Variants in LARGE1 observed in about 807,000 individuals in gnomAD.
The protein encoded by LARGE1 is LARGE xylosyl- and glucuronyltransferase 1.
LARGE1 carries 43 observed loss-of-function variants against 87.6 expected under a neutral mutation model. The observed-to-expected ratio is 0.49, with a 90% CI of 0.38 to 0.63. LARGE1 has a LOEUF of 0.63. LARGE1 is among the 30% of genes least tolerant of loss of function. The probability of loss-of-function intolerance (pLI) is 0.00; values close to 1 mark genes in which losing one functional copy is unlikely to be tolerated. For synonymous variants in LARGE1, 434 were observed against 394.6 expected (o/e 1.10, Z -1.18); for missense variants, 802 against 1,000.2 (o/e 0.80, Z 2.67).
intron 13 of LARGE1, among the ~76,000 whole-genome samples, chr22:33,278,368 C>T (rs778268492): frequency 2.6e-5 from 4 of 152,164 alleles, no homozygotes; most frequent in Non-Finnish European, 5.9e-5. Context: ...AGAATCCAGT[C>T]ATTCCATGCC....
chr22:33,571,345 T>C (rs570079014), intron 5 of LARGE1, among the ~76,000 whole-genome samples: 2 of 152,270 alleles, frequency 1.3e-5, no homozygotes, highest in South Asian at 2.1e-4. Flanking sequence ...TAAGTGATTC[T>C]AGGGTATATC....
chr22:33,810,834 C>T (rs1223020052), intron 1 of LARGE1, among the ~76,000 whole-genome samples: 1 of 152,054 alleles, frequency 6.6e-6, no homozygotes, highest in African/African-American at 2.4e-5. Context: ...AGCAATTTCC[C>T]TGCCTCAGTC....
At chr22:33,307,466 C>T (rs747566592) in intron 11 of LARGE1, among the ~76,000 whole-genome samples, 2 of 151,836 alleles carry the variant, frequency 1.3e-5, no homozygotes, top group African/African-American at 2.4e-5. Context: ...GTTCTTCTCC[C>T]GGTGTCAATG....
chr22:33,451,351 C>CTTATTTTATT (rs10629325), intron 6 of LARGE1, among the ~76,000 whole-genome samples: 7,111 of 150,104 alleles, frequency 0.047, 222 homozygotes, highest in Non-Finnish European at 0.071. Context: ...CAAAAAAATT[C>CTTATTTTATT]TTATTTTATT....
intron 11 of LARGE1, among the ~76,000 whole-genome samples, chr22:33,314,178 C>G (rs867331847): frequency 6.6e-6 from 1 of 152,162 alleles, no homozygotes; most frequent in Non-Finnish European, 1.5e-5. Context: ...CCATGCTTGT[C>G]CCTTGCTCTT....
intron 4 of LARGE1, among the ~76,000 whole-genome samples, chr22:33,623,116 G>T (rs1443415499): frequency 2.0e-5 from 3 of 151,142 alleles, no homozygotes; most frequent in Non-Finnish European, 4.4e-5. Context: ...ATCATGCAAA[G>T]GCCCTTTTCT....
At chr22:33,140,719 C>G in the LARGE1 span, among the ~76,000 whole-genome samples, 1 of 152,158 alleles carries the variant, frequency 6.6e-6, no homozygotes, top group Non-Finnish European at 1.5e-5. Context: ...CAGGGGCTCT[C>G]AGGCCTTCAG....
intron 2 of LARGE1, among the ~76,000 whole-genome samples, chr22:33,719,852 A>G (rs563108730): frequency 1.3e-5 from 2 of 151,980 alleles, no homozygotes; most frequent in East Asian, 3.9e-4. Flanking sequence ...TACCTTTTCC[A>G]TGTTTAGGTA....
At chr22:33,674,439 G>A (rs7287563) in intron 2 of LARGE1, among the ~76,000 whole-genome samples, 78,174 of 152,022 alleles carry the variant, frequency 0.51, 20,519 homozygotes, top group African/African-American at 0.62. Flanking sequence ...TCTGCACAGC[G>A]GGAGCTGTTC....
At chr22:33,760,841 A>G (rs963246423) in intron 2 of LARGE1, among the ~76,000 whole-genome samples, 3 of 151,886 alleles carry the variant, frequency 2.0e-5, no homozygotes, top group Non-Finnish European at 4.4e-5. Context: ...AATCACTTGA[A>G]CTCGGGAGGC....
chr22:33,449,999 C>T (rs2067846124), intron 6 of LARGE1, among the ~76,000 whole-genome samples: 1 of 152,052 alleles, frequency 6.6e-6, no homozygotes, highest in Non-Finnish European at 1.5e-5. Context: ...GCAACCTCCG[C>T]CTCTTGGGTT....
At chr22:33,136,337 C>G in the LARGE1 span, among the ~76,000 whole-genome samples, 2 of 152,244 alleles carry the variant, frequency 1.3e-5, no homozygotes, top group South Asian at 4.2e-4. Flanking sequence ...TACATGGCAG[C>G]AGACAAGAGA....
chr22:33,261,085 T>C (rs1438945652), intron 11 of LARGE1, among the ~76,000 whole-genome samples: 1 of 152,138 alleles, frequency 6.6e-6, no homozygotes, highest in Non-Finnish European at 1.5e-5. Context: ...CAGTCAACAC[T>C]CATTCAGCAT....
intron 7 of LARGE1, among the ~76,000 whole-genome samples, chr22:33,394,739 GTGTGTA>G (rs1468455797): frequency 1.0e-4 from 14 of 139,568 alleles, no homozygotes; most frequent in South Asian, 4.5e-4. Context: ...GTGTGTGTGT[GTGTGTA>G]TGTGTGTGTG....
chr22:33,608,451 C>T (rs2079329246), intron 4 of LARGE1, among the ~76,000 whole-genome samples: 1 of 152,142 alleles, frequency 6.6e-6, no homozygotes, highest in Non-Finnish European at 1.5e-5. Flanking sequence ...TGTCTTTCTT[C>T]TGCTAACTCT....
At chr22:33,685,053 T>C (rs2081904690) in intron 2 of LARGE1, among the ~76,000 whole-genome samples, 1 of 152,108 alleles carries the variant, frequency 6.6e-6, no homozygotes, top group Non-Finnish European at 1.5e-5. Flanking sequence ...TGAGATGAGA[T>C]GGGATGGAAA....
At chr22:33,196,710 G>A (rs1217490811) in intron 11 of LARGE1, among the ~76,000 whole-genome samples, 1 of 151,882 alleles carries the variant, frequency 6.6e-6, no homozygotes, top group Non-Finnish European at 1.5e-5. Flanking sequence ...GCAAAAGGAT[G>A]AGGAAGAGAG....
At chr22:33,218,891 G>A (rs1925332298) in intron 11 of LARGE1, among the ~76,000 whole-genome samples, 1 of 152,186 alleles carries the variant, frequency 6.6e-6, no homozygotes, top group African/African-American at 2.4e-5. Flanking sequence ...CATCCAGGCA[G>A]GACCTGTGAC....
At chr22:33,299,312 G>A (rs955554166) in intron 12 of LARGE1, among the ~76,000 whole-genome samples, 1 of 151,974 alleles carries the variant, frequency 6.6e-6, no homozygotes, top group African/African-American at 2.4e-5. Context: ...GAAAGGAGTG[G>A]AGGGGAGGGG....
Sources: allele counts gnomAD v4.1 joint callset (sites outside exome capture counted in the v4.1 genomes callset), GRCh38; gene constraint gnomAD v4.1.1; transcripts MANE v1.5; gene names NCBI Gene and HGNC (gene_info 2026-07-23, HGNC 2026-07-21).